The following OCA2 variants were observed in gnomAD, a reference collection of about 807,000 sequenced individuals.
OCA2 encodes the protein OCA2 melanosomal transmembrane protein, also known as P protein.
A neutral mutation model predicts 100.2 loss-of-function variants in OCA2; 77 were observed. The observed-to-expected ratio is 0.77, with a 90% CI of 0.64 to 0.93. The LOEUF is 0.93. Ranked by LOEUF, OCA2 falls within the 40% of genes least tolerant of loss-of-function variation. The pLI is 0.00. For synonymous variants in OCA2, 432 were observed against 439.2 expected (o/e 0.98, Z 0.21); for missense variants, 1,062 against 1,089.1 (o/e 0.98, Z 0.35).
At chr15:27,971,438 T>C (rs2040787081) in intron 14 of OCA2, among the ~76,000 whole-genome samples, 1 of 152,106 alleles carries the variant, frequency 6.6e-6, no homozygotes, top group Non-Finnish European at 1.5e-5. Flanking sequence ...AAAGTAAAAC[T>C]TTATCCTGTC....
At chr15:27,931,516 A>G (rs889768711) in intron 18 of OCA2, among the ~76,000 whole-genome samples, 6 of 152,074 alleles carry the variant, frequency 3.9e-5, no homozygotes, top group Admixed American at 6.5e-5. Context: ...TTGTATTTTT[A>G]GCAGAGACGG....
At chr15:27,894,937 G>C (rs934472221) in intron 19 of OCA2, among the ~76,000 whole-genome samples, 3 of 152,132 alleles carry the variant, frequency 2.0e-5, no homozygotes, top group African/African-American at 7.2e-5. Context: ...CTTTTGCCTG[G>C]ACCTTGCATA....
chr15:27,881,718 CTCTT>C (rs1203861298), intron 19 of OCA2, among the ~76,000 whole-genome samples: 3 of 152,012 alleles, frequency 2.0e-5, no homozygotes, highest in Non-Finnish European at 4.4e-5. Flanking sequence ...TGGTGATATC[CTCTT>C]TATCATTTTT....
Position 27,983,349 on chromosome 15 carries a change from T to A in OCA2, c.1499A>T (p.Lys500Met), listed in dbSNP as rs1353048090. Reference protein sequence around the residue: ...VIIVSNQELRKMGLDFAGFTA... With the variant: ...VIIVSNQELRMMGLDFAGFTA... ...CCCTAGCATGCTGGTACGTACCATC[T>A]TCCTCAGCTCTTGGTTGGAAACAAT... is the stretch of plus-strand genomic sequence containing the variant. Residue 500 changes from lysine to methionine, a missense_variant, in exon 14 of 24, where the codon AAG becomes ATG. Lys to Met is a moderately conservative substitution (Grantham distance 95). Transcript: ENST00000354638. The A allele has an allele frequency of 1.2e-6, 2 of 1,614,160 alleles. No homozygotes were observed. Among genetic ancestry groups the A allele is most frequent in the South Asian group, 2.2e-5 (2 of 91,078 alleles).
chr15:27,927,246 G>A (rs755734965), intron 18 of OCA2, among the ~76,000 whole-genome samples: 5 of 152,272 alleles, frequency 3.3e-5, no homozygotes, highest in African/African-American at 1.2e-4. Flanking sequence ...CCGAGATCAC[G>A]CCATTGCACT....
At chr15:28,056,899 G>A (rs1305091200) in intron 2 of OCA2, among the ~76,000 whole-genome samples, 1 of 152,216 alleles carries the variant, frequency 6.6e-6, no homozygotes, top group Non-Finnish European at 1.5e-5. Context: ...GGCCAGTGGG[G>A]TGGCCCCTGC....
rs1027088175 is a variant in OCA2 at position 27,957,034 on chromosome 15, G to A, written c.1784+554C>T. ...CCAGGCTCCTGCTTCTTCTGTCTGA[G>A]CTTCCAGAACAAAGACTGCTTGGAA... On this transcript the variant is annotated intron_variant, in intron 16 of 23. Coordinates refer to ENST00000354638, the MANE Select transcript of OCA2 (RefSeq NM_000275.3). The surrounding 1 kb of genome is among the most constrained non-coding windows in gnomAD (Gnocchi z 4.3). Among the ~76,000 whole-genome samples the A allele has an allele frequency of 2.6e-5, 4 of 152,196 alleles. No individual in the cohort carries two copies. Among genetic ancestry groups the A allele is most frequent in the African/African-American group, 4.8e-5 (2 of 41,446 alleles).
chr15:27,971,628 C>T (rs536683736), intron 14 of OCA2, among the ~76,000 whole-genome samples: 137 of 152,278 alleles, frequency 9.0e-4, no homozygotes, highest in African/African-American at 3.2e-3. Context: ...AGAGAGTTAT[C>T]CCAAGAGACC....
chr15:27,861,869 A>G (rs1188941470), intron 21 of OCA2, among the ~76,000 whole-genome samples: 1 of 152,144 alleles, frequency 6.6e-6, no homozygotes, highest in East Asian at 1.9e-4. Flanking sequence ...TGATCAGCAG[A>G]GTGAAGAATA....
intron 9 of OCA2, among the ~76,000 whole-genome samples, chr15:28,002,970 G>A (rs994128342): frequency 3.3e-5 from 5 of 152,202 alleles, no homozygotes; most frequent in East Asian, 3.9e-4. Flanking sequence ...CCCAGAGCTC[G>A]AAGGCACCAC....
rs556725959 is a variant in OCA2, at chr15:27,806,903, A to T, written c.2432+38056T>A. 6.6e-5 allele frequency among the ~76,000 whole-genome samples: 10 copies of T among 152,216 alleles called. No homozygotes were observed. The South Asian group carries it at 2.1e-3, about 32-fold the overall frequency. On this transcript the variant is annotated intron_variant, in intron 23 of 23. Coordinates refer to ENST00000354638, the MANE Select transcript of OCA2 (RefSeq NM_000275.3). ...AGCCCCTCAGTCTCTTCACTCTCAC[A>T]TTCTAGCCCGGGCTCCTGCCCACAT...
intron 22 of OCA2, among the ~76,000 whole-genome samples, chr15:27,847,232 T>C (rs1287261423): frequency 6.6e-6 from 1 of 152,208 alleles, no homozygotes; most frequent in Non-Finnish European, 1.5e-5. Context: ...TGAACAGCAC[T>C]TAGACACGTG....
chr15:27,969,942 GA>G (rs2040714335), intron 14 of OCA2, among the ~76,000 whole-genome samples: 1 of 151,788 alleles, frequency 6.6e-6, no homozygotes, highest in Non-Finnish European at 1.5e-5. Flanking sequence ...GTGTTTAGCT[GA>G]ATCTATTGAA....
intron 23 of OCA2, among the ~76,000 whole-genome samples, chr15:27,768,774 C>G (rs1443709361): frequency 6.6e-6 from 1 of 152,212 alleles, no homozygotes; most frequent in African/African-American, 2.4e-5. Context: ...GTGGCAGCCC[C>G]CGTTCACAGT....
chr15:27,719,405 T>G, the OCA2 span, among the ~76,000 whole-genome samples: 3 of 152,202 alleles, frequency 2.0e-5, no homozygotes, highest in Admixed American at 1.3e-4. Flanking sequence ...TTTTAAAGGT[T>G]CTAGCTCCAG....
chr15:28,070,015 A>G (rs201505650), intron 2 of OCA2, among the ~76,000 whole-genome samples: 9,361 of 92,788 alleles, frequency 0.1, 936 homozygotes, highest in East Asian at 0.67. Context: ...CTGCCCGGCC[A>G]CCCATCGTCT....
chr15:27,946,957 G>A (rs1035474208), intron 18 of OCA2, among the ~76,000 whole-genome samples: 11 of 152,332 alleles, frequency 7.2e-5, no homozygotes, highest in Middle Eastern at 3.4e-3. Context: ...TCAGAAGGAA[G>A]GAGTGCCGCT....
intron 19 of OCA2, among the ~76,000 whole-genome samples, chr15:27,885,752 T>C (rs538327146): frequency 9.9e-5 from 12 of 121,404 alleles, no homozygotes; most frequent in African/African-American, 8.4e-5. Context: ...CACTCCTTTA[T>C]TTGTTTGATG....
At chr15:27,973,412 T>C (rs2040869026) in intron 14 of OCA2, among the ~76,000 whole-genome samples, 1 of 152,222 alleles carries the variant, frequency 6.6e-6, no homozygotes, top group African/African-American at 2.4e-5. Flanking sequence ...TAGCCAGTTT[T>C]CCCAGCATCA....
Sources: gnomAD v4.1 joint callset for allele counts (sites outside exome capture counted in the v4.1 genomes callset) on GRCh38, gnomAD v4.1.1 for gene constraint, Gnocchi (gnomAD v3.1) non-coding constraint, MANE v1.5 for transcripts, NCBI Gene and HGNC (gene_info 2026-07-23, HGNC 2026-07-21) for gene names.